NUDT3: variants seen among roughly 807,000 people sequenced by gnomAD.
The protein encoded by NUDT3 is diphosphoinositol polyphosphate phosphohydrolase 1.
In NUDT3, 9 loss-of-function variants were observed where a neutral mutation model predicts 23.6. The observed-to-expected ratio is 0.38, with a 90% CI of 0.23 to 0.66. The LOEUF (loss-of-function observed/expected upper bound fraction) is 0.66. Ranked by LOEUF, NUDT3 falls within the 30% of genes least tolerant of loss-of-function variation. NUDT3 has a pLI of 0.52. For missense variants in NUDT3, 172 were observed against 218.5 expected (o/e 0.79, Z 1.34); for synonymous variants, 86 against 82.6 (o/e 1.04, Z -0.22).
chr6:34,352,184 A>C (rs1764489221), intron 1 of NUDT3, among the ~76,000 whole-genome samples: 1 of 152,148 alleles, frequency 6.6e-6, no homozygotes, highest in Non-Finnish European at 1.5e-5. Flanking sequence ...TTATTTTTTG[A>C]GACAGGGTCT....
chr6:34,344,621 A>G (rs1435260157), intron 1 of NUDT3, among the ~76,000 whole-genome samples: 1 of 152,148 alleles, frequency 6.6e-6, no homozygotes, highest in Non-Finnish European at 1.5e-5. Context: ...CAGAAAGTAG[A>G]TATGAAATGG....
intron 2 of NUDT3, among the ~76,000 whole-genome samples, chr6:34,340,050 T>A (rs1764265807): frequency 6.6e-6 from 1 of 152,126 alleles, no homozygotes; most frequent in South Asian, 2.1e-4. Flanking sequence ...TGGGGGACCC[T>A]TTGGGGAAAA....
intron 2 of NUDT3, among the ~76,000 whole-genome samples, chr6:34,334,481 A>C (rs1216347503): frequency 2.0e-5 from 3 of 152,030 alleles, no homozygotes; most frequent in Non-Finnish European, 4.4e-5. Context: ...CTCTACTAAA[A>C]ATACGAAACT....
intron 2 of NUDT3, among the ~76,000 whole-genome samples, chr6:34,309,311 T>C (rs1252454072): frequency 6.6e-6 from 1 of 151,998 alleles, no homozygotes; most frequent in Non-Finnish European, 1.5e-5. Context: ...AAATAACATA[T>C]GAATTAAAGC....
intron 2 of NUDT3, among the ~76,000 whole-genome samples, chr6:34,341,223 A>G (rs1046666167): frequency 1.3e-5 from 2 of 152,120 alleles, no homozygotes; most frequent in Non-Finnish European, 2.9e-5. Context: ...TTTCAATTGC[A>G]ATCTGTTTCT....
intron 2 of NUDT3, among the ~76,000 whole-genome samples, chr6:34,314,720 G>A (rs1369268004): frequency 1.3e-5 from 2 of 152,064 alleles, no homozygotes; most frequent in African/African-American, 4.8e-5. Flanking sequence ...AAAGCCCAGG[G>A]CTTTGGGAGA....
chr6:34,317,491 G>A (rs769147145), intron 2 of NUDT3, among the ~76,000 whole-genome samples: 1 of 151,970 alleles, frequency 6.6e-6, no homozygotes, highest in Non-Finnish European at 1.5e-5. Context: ...AATGAGCAAA[G>A]ACAACTCAGA....
At chr6:34,373,902 C>T (rs1368569022) in intron 1 of NUDT3, among the ~76,000 whole-genome samples, 1 of 151,872 alleles carries the variant, frequency 6.6e-6, no homozygotes, top group African/African-American at 2.4e-5. Context: ...GCCTGTAATC[C>T]CAGCACTTTG....
rs187104754 is a variant in NUDT3, at chr6:34,378,941, T to C, written c.99+13323A>G. On this transcript the variant is annotated intron_variant, in intron 1 of 4. Transcript: ENST00000607016. ...GTATGCTTATTGCTTCTACCATCCC[T>C]GGCCTCTTCTGCCCAGTCTGGCCAT... Among the ~76,000 whole-genome samples, 520 of 152,332 alleles carry C rather than the reference T, an allele frequency of 3.4e-3. 5 individuals are homozygous for C. Among genetic ancestry groups the C allele is most frequent in the Admixed American group, 7.7e-3 (117 of 15,290 alleles).
At position 34,341,765 on chromosome 6, in the gene NUDT3, T is replaced by C. The variant is rs573163393; in HGVS notation, c.210+97A>G. The C allele has an allele frequency of 5.7e-6, 6 of 1,046,630 alleles. No homozygotes were observed. In the Admixed American group the frequency reaches 1.6e-4, roughly 28 times the overall value. 64.8% of individuals were successfully genotyped at this position (1,046,630 alleles called of 1,614,324 possible). A position where few individuals can be genotyped will look rare whatever the true frequency, so the allele number is the denominator to read the frequency against. Reference sequence around the variant, plus strand: ...TCATTGCCCTTTTTCTGTGACTGTATATTTATTCAGTGAGTGCTGACATAT... The same window carrying C: ...TCATTGCCCTTTTTCTGTGACTGTACATTTATTCAGTGAGTGCTGACATAT... On this transcript the variant is annotated intron_variant, in intron 2 of 4. Transcript: ENST00000607016.
intron 1 of NUDT3, among the ~76,000 whole-genome samples, chr6:34,342,391 T>C (rs557884231): frequency 4.9e-4 from 73 of 149,298 alleles, no homozygotes; most frequent in African/African-American, 1.4e-3. Context: ...ATGATTGCCA[T>C]CATGGTCCAA....
chr6:34,372,990 C>T (rs1030820363), intron 1 of NUDT3, among the ~76,000 whole-genome samples: 6 of 151,494 alleles, frequency 4.0e-5, no homozygotes, highest in East Asian at 4.0e-4. Context: ...AGCGAGAGCA[C>T]GCGCGTGTGC....
rs1033050399 is a variant in NUDT3, at chr6:34,319,485, G to A, written c.210+22377C>T. Among the ~76,000 whole-genome samples, 4 of 152,166 alleles carry A rather than the reference G, an allele frequency of 2.6e-5. No individual in the cohort carries two copies. The East Asian group carries it at 5.8e-4, about 22-fold the overall frequency. ...ATACAGATTAAGAGATGCACAGGGC[G>A]AGGTTGGGGGAAGCTGCACAGAGCT... On this transcript the variant is annotated intron_variant, in intron 2 of 4. Coordinates refer to ENST00000607016, the MANE Select transcript of NUDT3 (RefSeq NM_006703.4).
chr6:34,361,717 T>C (rs1204194868), intron 1 of NUDT3, among the ~76,000 whole-genome samples: 5 of 152,060 alleles, frequency 3.3e-5, no homozygotes, highest in Admixed American at 2.6e-4. Context: ...TGAAAAGACA[T>C]AGAGGAAACT....
intron 1 of NUDT3, among the ~76,000 whole-genome samples, chr6:34,363,650 TC>T (rs1451322012): frequency 6.6e-6 from 1 of 152,154 alleles, no homozygotes; most frequent in Non-Finnish European, 1.5e-5. Flanking sequence ...TTTCTACCTT[TC>T]CCATGTCCAG....
chr6:34,389,224 T>C (rs1482239419), intron 1 of NUDT3, among the ~76,000 whole-genome samples: 1 of 152,154 alleles, frequency 6.6e-6, no homozygotes, highest in African/African-American at 2.4e-5. Flanking sequence ...CATGGGGAGT[T>C]TCCCCCATGC....
chr6:34,378,531 T>C (rs1276875537), intron 1 of NUDT3, among the ~76,000 whole-genome samples: 1 of 152,128 alleles, frequency 6.6e-6, no homozygotes, highest in East Asian at 1.9e-4. Context: ...GGAAAAAATA[T>C]CAAATGCTCA....
At chr6:34,333,959 T>C (rs1017069439) in intron 2 of NUDT3, among the ~76,000 whole-genome samples, 4 of 152,048 alleles carry the variant, frequency 2.6e-5, no homozygotes, top group Non-Finnish European at 5.9e-5. Flanking sequence ...AAACACAAAA[T>C]AAAAGCAGTA....
rs186869951 is a variant in NUDT3 at position 34,329,839 on chromosome 6, G to A, written c.210+12023C>T. 2.6e-4 allele frequency among the ~76,000 whole-genome samples: 40 copies of A among 152,064 alleles called. 1 individual carries two copies. Among genetic ancestry groups the A allele is most frequent in the Admixed American group, 5.9e-4 (9 of 15,272 alleles). ...GGCAGGCCCTGGTGTGTGATGTTCC[G>A]CACCCTGTGTCCAAGTGTTCTCATT... On this transcript the variant is annotated intron_variant, in intron 2 of 4. Transcript: ENST00000607016.
Sources: gnomAD v4.1 joint callset for allele counts (sites outside exome capture counted in the v4.1 genomes callset) on GRCh38, gnomAD v4.1.1 for gene constraint, MANE v1.5 for transcripts, NCBI Gene and HGNC (gene_info 2026-07-23, HGNC 2026-07-21) for gene names.